The following TUBA3C variants were observed in gnomAD, a reference collection of about 807,000 sequenced individuals.
The protein encoded by TUBA3C is tubulin alpha 3c, also known as tubulin alpha-3C chain.
In TUBA3C, 23 loss-of-function variants were observed where a neutral mutation model predicts 33.4. That is an observed-to-expected ratio of 0.69 (90% confidence interval 0.50 to 0.98). The LOEUF (loss-of-function observed/expected upper bound fraction) is 0.98. TUBA3C is among the 50% of genes least tolerant of loss of function. The pLI, the probability that TUBA3C is intolerant of heterozygous loss-of-function variation, is 0.00. For synonymous variants in TUBA3C, 269 were observed against 250.4 expected, an observed-to-expected ratio of 1.07 and a Z score of -0.70; for missense variants, 402 against 616.0, an observed-to-expected ratio of 0.65 and a Z score of 3.68.
In TUBA3C at chr13:19,174,177, GA is replaced by G; in HGVS notation, c.1057-19del. On this transcript the variant is annotated intron_variant, in intron 4 of 4. Coordinates refer to ENST00000400113, the MANE Select transcript of TUBA3C (RefSeq NM_006001.3). ...ATGCCCACCTGCCGGAGAAGAGGAA[GA>G]AACAGTCCATGAAGCTTATATCAAA... 6.2e-7 allele frequency: 1 copy of G among 1,604,146 alleles called. No individual in the cohort carries two copies.
At position 19,174,128 on chromosome 13, in the gene TUBA3C, AC is replaced by A; in HGVS notation, c.1087del (p.Val363SerfsTer16). 6.2e-7 allele frequency: 1 copy of A among 1,613,464 alleles called. No homozygotes were observed. Among genetic ancestry groups the A allele is most frequent in the Non-Finnish European group, 8.5e-7 (1 of 1,179,632 alleles). Reference protein sequence around the residue: ...VGINYQPPTVVPGGDLAKVQR... With the variant: ...VGINYQPPTVXPGGDLAKVQR... ...CACCTTGGCCAGGTCTCCCCCAGGG[AC>A]CACCGTGGGGGGCTGGTAGTTAATG... On this transcript the variant is annotated frameshift_variant, in exon 5 of 5. Coordinates refer to ENST00000400113, the MANE Select transcript of TUBA3C (RefSeq NM_006001.3). LOFTEE classifies it high-confidence loss of function.
chr13:19,177,087 G>A lies in TUBA3C; in HGVS notation c.896C>T (p.Ala299Val), dbSNP rs749723323. Residue 299 changes from alanine (A) to valine (V), a missense_variant, in exon 4 of 5, where the codon GCC becomes GTC. By Grantham distance (64) the Ala-to-Val change is moderately conservative. Transcript: ENST00000400113. This position sits in a 1 kb window ranked among gnomAD's most constrained non-coding sequence, Gnocchi z 5.0. ...AGGGTCACACTTGACCATCTGATTG[G>A]CTGGCTCGAAGCAGGCATTGGTGAT... ...AEITNACFEP[A>V]NQMVKCDPRH... The A allele has an allele frequency of 6.2e-7, 1 of 1,614,162 alleles. No homozygotes were observed. The highest frequency in any genetic ancestry group is 8.5e-7 in the Non-Finnish European group (1 of 1,180,028).
intron 4 of TUBA3C, among the ~76,000 whole-genome samples, chr13:19,174,898 G>A (rs1465306850): frequency 6.6e-6 from 1 of 151,878 alleles, no homozygotes; most frequent in Non-Finnish European, 1.5e-5. Flanking sequence ...GAGGGCAGAG[G>A]TTCCAATGAG....
chr13:19,175,861 A>G (rs1438871268), intron 4 of TUBA3C, among the ~76,000 whole-genome samples: 1 of 152,062 alleles, frequency 6.6e-6, no homozygotes, highest in Non-Finnish European at 1.5e-5. Context: ...CTCCTGCCTC[A>G]GCCTCCTCAG....
chr13:19,175,520 A>T (rs1323071598), intron 4 of TUBA3C, among the ~76,000 whole-genome samples: 1 of 151,968 alleles, frequency 6.6e-6, no homozygotes, highest in African/African-American at 2.4e-5. Context: ...GTTGGGGGAG[A>T]CCACTGCAGT....
intron 1 of TUBA3C, among the ~76,000 whole-genome samples, chr13:19,179,959 A>G (rs1211671173): frequency 6.6e-6 from 1 of 152,150 alleles, no homozygotes. Flanking sequence ...GGAAATAGAG[A>G]GTAGGTCCCA....
Position 19,174,008 on chromosome 13 carries a change from G to A in TUBA3C, c.1208C>T (p.Ala403Val). ...HKFDLMYAKR[A>V]FVHWYVGEGM... The stretch of plus-strand genomic sequence containing the variant: ...TTCTCCCACGTACCAGTGCACAAAG[G>A]CCCGCTTGGCATACATGAGATCGAA... Residue 403 changes from alanine to valine, a missense_variant, in exon 5 of 5, where the codon GCC becomes GTC. Coordinates refer to ENST00000400113, the MANE Select transcript of TUBA3C (RefSeq NM_006001.3). 3 of 1,612,796 alleles carry A rather than the reference G, an allele frequency of 1.9e-6. No individual in the cohort carries two copies. Among genetic ancestry groups the A allele is most frequent in the Non-Finnish European group, 2.5e-6 (3 of 1,179,792 alleles).
intron 4 of TUBA3C, among the ~76,000 whole-genome samples, 175 bp downstream of exon 4, chr13:19,176,752 A>AAAAAAAAG (rs1387495420): frequency 2.8e-5 from 4 of 140,374 alleles, no homozygotes; most frequent in Non-Finnish European, 6.1e-5. Context: ...AAAAAAAAAA[A>AAAAAAAAG]AAAAAAAGAC....
chr13:19,178,139 C>T lies in TUBA3C; in HGVS notation c.375+107G>A. On this transcript the variant is annotated intron_variant, in intron 3 of 4. Transcript: ENST00000400113. ...GGGATTACAGGCGTGAGCCACCAGA[C>T]CCAGCCAACGCACTGGTCTAGGTTT... The T allele has an allele frequency of 2.0e-6, 3 of 1,523,138 alleles. 1 individual carries two copies. The highest frequency in any genetic ancestry group is 2.6e-5 in the South Asian group (2 of 78,284). 94.4% of individuals were successfully genotyped at this position (1,523,138 alleles called of 1,614,324 possible).
intron 4 of TUBA3C, among the ~76,000 whole-genome samples, chr13:19,176,580 C>T: frequency 6.6e-6 from 1 of 151,836 alleles, no homozygotes; most frequent in South Asian, 2.1e-4. Flanking sequence ...ATGGCATAAC[C>T]CTGTTTCTAC....
At chr13:19,181,665 T>G (rs1173605959) in intron 1 of TUBA3C, 80 bp downstream of exon 1, 1 of 1,591,128 alleles carries the variant, frequency 6.3e-7, no homozygotes, top group East Asian at 2.2e-5. Flanking sequence ...ACAGCATCCC[T>G]CCATCCAGCC....
chr13:19,178,364 A>T lies in TUBA3C; in HGVS notation c.257T>A (p.Leu86His). 1 of 1,614,180 alleles carries T rather than the reference A, an allele frequency of 6.2e-7. No homozygotes were observed. Reference sequence around the variant, plus strand: ...GGTGATCAGCTGCTCTGGGTGGAAGAGCTGCCTATAGGTTCCTGTGCGCAC... The same window carrying T: ...GGTGATCAGCTGCTCTGGGTGGAAGTGCTGCCTATAGGTTCCTGTGCGCAC... ...DEVRTGTYRQ[L>H]FHPEQLITGK... The change falls in exon 3 of 5, where the codon CTC (leucine) becomes CAC (histidine). Residue 86 changes from leucine (L) to histidine (H), a missense_variant. By Grantham distance (99) the Leu-to-His change is moderately conservative. Coordinates refer to ENST00000400113, the MANE Select transcript of TUBA3C (RefSeq NM_006001.3).
intron 1 of TUBA3C, among the ~76,000 whole-genome samples, chr13:19,180,107 T>C (rs1234157633): frequency 1.3e-5 from 2 of 152,160 alleles, no homozygotes; most frequent in Non-Finnish European, 1.5e-5. Context: ...TTCCTTGCTC[T>C]CTGGCTTCGT....
At chr13:19,180,586 C>T (rs937213729) in intron 1 of TUBA3C, among the ~76,000 whole-genome samples, 1 of 152,060 alleles carries the variant, frequency 6.6e-6, no homozygotes, top group Non-Finnish European at 1.5e-5. Flanking sequence ...ACTGCAGCCT[C>T]TGCCTCCCGG....
chr13:19,174,569 T>C (rs2774494), intron 4 of TUBA3C, among the ~76,000 whole-genome samples: 1 of 151,778 alleles, frequency 6.6e-6, no homozygotes, highest in Non-Finnish European at 1.5e-5. Flanking sequence ...GTAGGTGGTG[T>C]ATATATTTTA....
chr13:19,176,582 T>G (rs1014360998), intron 4 of TUBA3C, among the ~76,000 whole-genome samples: 1 of 151,770 alleles, frequency 6.6e-6, no homozygotes, highest in African/African-American at 2.4e-5. Context: ...GGCATAACCC[T>G]GTTTCTACTA....
intron 4 of TUBA3C, 74 bp downstream of exon 4, chr13:19,176,853 C>T: frequency 6.6e-7 from 1 of 1,518,562 alleles, no homozygotes; most frequent in Non-Finnish European, 8.9e-7. Context: ...GGATGTGGGC[C>T]TTCAGGGGCA....
chr13:19,178,644 C>T (rs36215408), intron 2 of TUBA3C, among the ~76,000 whole-genome samples: 1,820 of 152,292 alleles, frequency 0.012, 33 homozygotes, highest in African/African-American at 0.041. Context: ...AATGTCAGCA[C>T]GACCAGCTCC....
In TUBA3C at chr13:19,177,004, C is replaced by A; in HGVS notation, c.979G>T (p.Asp327Tyr). 6.2e-7 allele frequency: 1 copy of A among 1,614,112 alleles called. No homozygotes were observed. The highest frequency in any genetic ancestry group is 8.5e-7 in the Non-Finnish European group (1 of 1,180,042). The change falls in exon 4 of 5, where the codon GAT becomes TAT. Residue 327 changes from aspartate to tyrosine, a missense_variant. Physicochemically the swap from Asp to Tyr is radical, Grantham distance 160. Transcript: ENST00000400113. This position sits in a 1 kb window ranked among gnomAD's most constrained non-coding sequence, Gnocchi z 5.0. The part of the protein sequence containing the change: ...MLYRGDVVPK[D>Y]VNAAIATIKT... ...ATGGTGGCGATGGCCGCGTTGACAT[C>A]TTTCGGGACCACATCCCCCCTGTAC...
Sources: gnomAD v4.1 joint callset for allele counts (sites outside exome capture counted in the v4.1 genomes callset) on GRCh38, gnomAD v4.1.1 for gene constraint, Gnocchi (gnomAD v3.1) non-coding constraint, MANE v1.5 for transcripts, NCBI Gene and HGNC (gene_info 2026-07-23, HGNC 2026-07-21) for gene names.